The following CEP63 variants were observed in gnomAD, a reference collection of about 807,000 sequenced individuals.
CEP63 encodes centrosomal protein 63.
CEP63 carries 84 observed loss-of-function variants against 89.1 expected under a neutral mutation model. The ratio of observed to expected loss-of-function variants is 0.94; its 90% CI spans 0.79 to 1.13. The LOEUF (loss-of-function observed/expected upper bound fraction) is 1.13. Among genes scored for constraint, CEP63 ranks in the 50% most tolerant of loss-of-function variants. The pLI, the probability that CEP63 is intolerant of heterozygous loss-of-function variation, is 0.00. For missense variants in CEP63, 838 were observed against 813.3 expected (o/e 1.03, Z -0.37); for synonymous variants, 267 against 272.5 (o/e 0.98, Z 0.20).
the CEP63 span, among the ~76,000 whole-genome samples, chr3:134,646,709 C>T: frequency 6.6e-6 from 1 of 152,130 alleles, no homozygotes; most frequent in Admixed American, 6.6e-5. Context: ...ATTTGATAAG[C>T]CAGTCATCTG....
At chr3:134,490,078 A>G (rs1401361422) in intron 1 of CEP63, among the ~76,000 whole-genome samples, 1 of 152,076 alleles carries the variant, frequency 6.6e-6, no homozygotes, top group Non-Finnish European at 1.5e-5. Context: ...CTGAGATAGT[A>G]TTTGGAGACC....
the CEP63 span, among the ~76,000 whole-genome samples, chr3:134,766,836 A>C: frequency 1.3e-5 from 2 of 152,126 alleles, no homozygotes; most frequent in African/African-American, 4.8e-5. Context: ...GGTAGCCTTT[A>C]AGTTTCAGTT....
At chr3:134,777,372 C>T in the CEP63 span, among the ~76,000 whole-genome samples, 1 of 152,100 alleles carries the variant, frequency 6.6e-6, no homozygotes, top group Non-Finnish European at 1.5e-5. Context: ...ACATAGTGCT[C>T]CATAAAGAAA....
At chr3:134,735,689 C>G in the CEP63 span, among the ~76,000 whole-genome samples, 4 of 152,104 alleles carry the variant, frequency 2.6e-5, no homozygotes, top group Non-Finnish European at 1.5e-5. Flanking sequence ...TTGGGGATTA[C>G]AAATGCATTT....
chr3:134,549,555 A>T (rs1000522600), intron 10 of CEP63, among the ~76,000 whole-genome samples: 9 of 152,190 alleles, frequency 5.9e-5, no homozygotes, highest in African/African-American at 1.9e-4. Context: ...CTGTGCTATG[A>T]TGTAGTTAGT....
At chr3:134,638,950 G>A in the CEP63 span, among the ~76,000 whole-genome samples, 1 of 152,038 alleles carries the variant, frequency 6.6e-6, no homozygotes, top group South Asian at 2.1e-4. Context: ...GGGTGTATAT[G>A]TGTGTGGAGG....
At chr3:134,733,633 C>T in the CEP63 span, among the ~76,000 whole-genome samples, 4 of 152,068 alleles carry the variant, frequency 2.6e-5, no homozygotes, top group Non-Finnish European at 5.9e-5. Context: ...TGGGGGAGAA[C>T]GCCATGTGCC....
chr3:134,667,666 C>T, the CEP63 span, among the ~76,000 whole-genome samples: 1 of 152,214 alleles, frequency 6.6e-6, no homozygotes, highest in Non-Finnish European at 1.5e-5. Context: ...GCCGCTCCCA[C>T]AGTGGTGGGC....
the CEP63 span, among the ~76,000 whole-genome samples, chr3:134,636,477 T>A: frequency 6.6e-6 from 1 of 152,144 alleles, no homozygotes; most frequent in Non-Finnish European, 1.5e-5. Flanking sequence ...ATTCTTGGGA[T>A]CCCAGCCATA....
chr3:134,770,411 A>G, the CEP63 span, among the ~76,000 whole-genome samples: 2 of 152,248 alleles, frequency 1.3e-5, no homozygotes, highest in Admixed American at 6.5e-5. Flanking sequence ...TATCATTAGC[A>G]TAAGGATTGC....
chr3:134,594,101 A>G, the CEP63 span, among the ~76,000 whole-genome samples: 1 of 152,242 alleles, frequency 6.6e-6, no homozygotes. Context: ...CATACATTCA[A>G]ATACAAATAT....
the CEP63 span, among the ~76,000 whole-genome samples, chr3:134,594,513 C>T: frequency 6.6e-6 from 1 of 152,138 alleles, no homozygotes; most frequent in Non-Finnish European, 1.5e-5. Context: ...GCACTCCTCC[C>T]ATTGATTGGT....
the CEP63 span, chr3:134,619,043 T>C: frequency 1.1e-6 from 1 of 907,388 alleles, no homozygotes; most frequent in Non-Finnish European, 1.8e-6. Flanking sequence ...GCAGAGTTTG[T>C]AAACTCAGGT....
chr3:134,781,274 A>C, the CEP63 span, among the ~76,000 whole-genome samples: 2 of 146,054 alleles, frequency 1.4e-5, no homozygotes, highest in African/African-American at 2.8e-5. Context: ...TTTGTATTGC[A>C]TCTATAGGAA....
downstream of CEP63, chr3:134,565,113 T>A: frequency 7.8e-6 from 2 of 255,232 alleles, no homozygotes; most frequent in Non-Finnish European, 1.2e-5. Flanking sequence ...ATTAGGGATT[T>A]GTAGTCTACA....
chr3:134,710,982 A>C, the CEP63 span, among the ~76,000 whole-genome samples: 1 of 152,038 alleles, frequency 6.6e-6, no homozygotes, highest in African/African-American at 2.4e-5. Context: ...AGCCTCTCAA[A>C]GTGCTGGGAT....
chr3:134,638,952 G>C, the CEP63 span, among the ~76,000 whole-genome samples: 2 of 151,910 alleles, frequency 1.3e-5, no homozygotes, highest in Non-Finnish European at 2.9e-5. Flanking sequence ...GTGTATATGT[G>C]TGTGGAGGGG....
the CEP63 span, among the ~76,000 whole-genome samples, chr3:134,641,842 A>T: frequency 3.3e-5 from 5 of 152,146 alleles, 1 homozygote; most frequent in Admixed American, 2.6e-4. Flanking sequence ...CTAGGATGTC[A>T]GCTCCACAAG....
At chr3:134,557,221 A>G (rs1956344661) in intron 12 of CEP63, among the ~76,000 whole-genome samples, 2 of 152,050 alleles carry the variant, frequency 1.3e-5, no homozygotes, top group Admixed American at 6.6e-5. Flanking sequence ...TTCTTCTCTG[A>G]TATTTTATCT....
Sources: gnomAD v4.1 joint callset for allele counts (sites outside exome capture counted in the v4.1 genomes callset) on GRCh38, gnomAD v4.1.1 for gene constraint, MANE v1.5 for transcripts, NCBI Gene and HGNC (gene_info 2026-07-23, HGNC 2026-07-21) for gene names.